HELZ2: variants seen among roughly 807,000 people sequenced by gnomAD.
HELZ2 encodes helicase with zinc finger 2, also known as 3'-5' exoribonuclease HELZ2.
HELZ2 carries 143 observed loss-of-function variants against 208.8 expected under a neutral mutation model. That is an observed-to-expected ratio of 0.68 (90% CI 0.60 to 0.79). The LOEUF is 0.79. Ranked by LOEUF, HELZ2 falls within the 30% of genes least tolerant of loss-of-function variation. The pLI is 0.00. For synonymous variants in HELZ2, 1,705 were observed against 1,693.7 expected, an observed-to-expected ratio of 1.01 and a Z score of -0.16; for missense variants, 3,690 against 3,794.5, an observed-to-expected ratio of 0.97 and a Z score of 0.72.
exon 5 of HELZ2, chr20:63,568,665 G>A: frequency 6.2e-7 from 1 of 1,605,448 alleles, no homozygotes; most frequent in South Asian, 1.1e-5. Flanking sequence ...AAGGTCATCG[G>A]GTCAATCTGG....
Position 63,564,268 on chromosome 20 carries a change from G to A in HELZ2, c.4554C>T (p.Phe1518=), listed in dbSNP as rs1226520324. The A allele has an allele frequency of 6.8e-6, 11 of 1,611,110 alleles. No homozygotes were observed. In the South Asian group the frequency reaches 7.7e-5, roughly 11 times the overall value. The change falls in exon 8 of 19, where the codon TTC becomes TTT. Residue 1518 remains phenylalanine, a synonymous_variant. Coordinates refer to ENST00000467148, the Ensembl canonical transcript of HELZ2. ...CCTTCACCATGATGTGGGCCGCGCG[G>A]AAGCCCAGGGTGCCGTCCTCGTCCG...
chr20:63,559,221 G>A (rs2082849263), exon 19 of HELZ2: 6 of 1,509,332 alleles, frequency 4.0e-6, no homozygotes, highest in Non-Finnish European at 5.4e-6. Flanking sequence ...CCCAGTCCTG[G>A]CACCTTGCAG....
exon 11 of HELZ2, chr20:63,561,897 C>A (rs780968139): frequency 6.3e-7 from 1 of 1,576,800 alleles, no homozygotes; most frequent in East Asian, 2.3e-5. Context: ...CTTCTCCCCA[C>A]GGGGGGGGCC....
rs202150536 is a variant in HELZ2, at chr20:63,564,654, G to A, written c.4168C>T (p.Arg1390Ter). ...GCATAGAACGCAGCGCCCTGCCTTC[G>A]CGCCTCCACGTCCAGCACCCCGTCC... The change falls in exon 8 of 19, where the codon CGA becomes TGA. Residue 1390 changes from arginine to a stop codon, truncating the protein, a stop_gained. Coordinates refer to ENST00000467148, the Ensembl canonical transcript of HELZ2. LOFTEE classifies it high-confidence loss of function. 12 of 1,570,184 alleles carry A rather than the reference G, an allele frequency of 7.6e-6. No individual in the cohort carries two copies. Among genetic ancestry groups the A allele is most frequent in the African/African-American group, 1.4e-5 (1 of 73,934 alleles).
chr20:63,567,361 A>G (rs1387707714), exon 6 of HELZ2: 4 of 1,602,932 alleles, frequency 2.5e-6, no homozygotes, highest in Non-Finnish European at 3.4e-6. Context: ...CGCCTCATCG[A>G]TGAGAATGTG....
chr20:63,562,935 A>C (rs780489984), exon 8 of HELZ2: 1 of 1,592,592 alleles, frequency 6.3e-7, no homozygotes, highest in Admixed American at 1.8e-5. Flanking sequence ...AGTGTGACGG[A>C]GTCATTCTCG....
exon 4 of HELZ2, chr20:63,569,300 C>T (rs779358155): frequency 1.3e-5 from 21 of 1,574,778 alleles, no homozygotes; most frequent in Admixed American, 3.6e-5. Context: ...CCATCAGGGC[C>T]GTCTGCTCGG....
Position 63,562,508 on chromosome 20 carries a change from GA to G in HELZ2, c.6302+11del. 1 of 1,559,858 alleles carries G rather than the reference GA, an allele frequency of 6.4e-7. No homozygotes were observed. On this transcript the variant is annotated intron_variant, in intron 8 of 18. Transcript: ENST00000467148. Reference sequence around the variant, plus strand: ...TCCCCCAGCCCAGCCTCTGCTGGTGGAAGCCACTCACAGATCAGGAAGCTGC... The same window carrying G: ...TCCCCCAGCCCAGCCTCTGCTGGTGGAGCCACTCACAGATCAGGAAGCTGC...
At chr20:63,559,104 C>G (rs1302434822), downstream of HELZ2, 11 of 935,358 alleles carry the variant, frequency 1.2e-5, no homozygotes, top group Non-Finnish European at 1.7e-5. Context: ...CCTCCAAGTC[C>G]ACCCACTTCC....
exon 6 of HELZ2, chr20:63,567,063 G>A: frequency 9.3e-6 from 15 of 1,612,148 alleles, no homozygotes; most frequent in Non-Finnish European, 1.3e-5. Flanking sequence ...CCCTGGCGTG[G>A]ATGGGGTTGC....
chr20:63,568,632 C>T lies in HELZ2; in HGVS notation c.1456G>A (p.Asp486Asn), dbSNP rs547559351. The T allele has an allele frequency of 5.1e-5, 82 of 1,603,000 alleles. 1 individual carries two copies. The East Asian group carries it at 1.8e-3, about 35-fold the overall frequency. ...ACCAGCTGCTCCTCAGGCAGTGTGT[C>T]CACTGCCTGGTGCCAGAGGCGGAAG... Residue 486 changes from aspartate to asparagine, a missense_variant, in exon 5 of 19, where the codon GAC becomes AAC. By Grantham distance (23) the Asp-to-Asn change is conservative. Transcript: ENST00000467148.
upstream of HELZ2, chr20:63,572,881 G>C (rs1472957362): frequency 1.3e-5 from 2 of 155,438 alleles, no homozygotes; most frequent in Non-Finnish European, 2.9e-5. Context: ...GGGGCCTTGG[G>C]AAGGTGGGCC....
At chr20:63,565,689 C>T in exon 8 of HELZ2, 1 of 1,608,640 alleles carries the variant, frequency 6.2e-7, no homozygotes, top group African/African-American at 1.3e-5. Context: ...CCCGCTGCAG[C>T]AGCCGCTCCT....
At chr20:63,564,850 G>T (rs200193853) in exon 8 of HELZ2, 4 of 1,611,856 alleles carry the variant, frequency 2.5e-6, no homozygotes, top group Non-Finnish European at 2.5e-6. Flanking sequence ...CAAGCTCCGT[G>T]TGGTATTTCT....
At chr20:63,563,878 G>A (rs2082917714) in exon 8 of HELZ2, 2 of 1,597,360 alleles carry the variant, frequency 1.3e-6, no homozygotes, top group East Asian at 2.3e-5. Context: ...GGGCGCAGCG[G>A]CCGAACGCCG....
exon 8 of HELZ2, chr20:63,563,422 G>A (rs1375690163): frequency 1.3e-6 from 2 of 1,532,766 alleles, no homozygotes; most frequent in Admixed American, 2.0e-5. Context: ...CCTGCGCTGA[G>A]TAGACACGGC....
At chr20:63,559,039 T>A, downstream of HELZ2, 1 of 545,160 alleles carries the variant, frequency 1.8e-6, no homozygotes, top group South Asian at 2.5e-5. Flanking sequence ...GAGGTGTTCC[T>A]GTCCCCAGAT....
Position 63,561,475 on chromosome 20 carries a change from C to T in HELZ2, c.6837-9G>A, listed in dbSNP as rs1412416854. On this transcript the variant is annotated splice_polypyrimidine_tract_variant and intron_variant, in intron 12 of 18. Transcript: ENST00000467148. The stretch of plus-strand genomic sequence containing the variant: ...GGTGCAGGGTGATGCTCCTGGGGGA[C>T]AGGACACAGTGAGCCCTGTCCACGC... The T allele has an allele frequency of 2.5e-6, 4 of 1,601,886 alleles. No individual in the cohort carries two copies. Among genetic ancestry groups the T allele is most frequent in the Non-Finnish European group, 2.6e-6 (3 of 1,174,716 alleles).
chr20:63,569,711 A>ACCCT, intron 3 of HELZ2, 46 bp from the exon 5 acceptor site: 1 of 1,457,188 alleles, frequency 6.9e-7, no homozygotes, highest in Non-Finnish European at 9.0e-7. Flanking sequence ...GCTCCCCCCA[A>ACCCT]CCCTCCCGAG....
Sources: allele counts gnomAD v4.1 joint callset, GRCh38; gene constraint gnomAD v4.1.1; transcripts MANE v1.5; gene names NCBI Gene and HGNC (gene_info 2026-07-23, HGNC 2026-07-21).